KCNN2: variants seen among roughly 807,000 people sequenced by gnomAD.
The protein encoded by KCNN2 is small conductance calcium-activated potassium channel protein 2.
Under a neutral mutation model 55.5 loss-of-function variants are expected in KCNN2, and 24 were observed. That is an observed-to-expected ratio of 0.43 (90% CI 0.31 to 0.61). The LOEUF (loss-of-function observed/expected upper bound fraction) is 0.61. KCNN2 is among the 20% of genes least tolerant of loss of function. The pLI, the probability that KCNN2 is intolerant of heterozygous loss-of-function variation, is 0.08. For synonymous variants in KCNN2, 431 were observed against 336.1 expected (o/e 1.28, Z -3.09); for missense variants, 754 against 853.6 (o/e 0.88, Z 1.45).
At chr5:114,095,360 G>T (rs1452061495) in intron 1 of KCNN2, among the ~76,000 whole-genome samples, 2 of 152,122 alleles carry the variant, frequency 1.3e-5, no homozygotes, top group Non-Finnish European at 2.9e-5. Flanking sequence ...AGGAAGATTT[G>T]CCAGGCATTG....
At chr5:114,135,164 T>G (rs1157188574) in intron 1 of KCNN2, among the ~76,000 whole-genome samples, 1 of 151,942 alleles carries the variant, frequency 6.6e-6, no homozygotes, top group African/African-American at 2.4e-5. Flanking sequence ...CACCCTAATT[T>G]GCACAGAAGG....
At chr5:114,116,252 T>A (rs551405054) in intron 1 of KCNN2, among the ~76,000 whole-genome samples, 1 of 152,012 alleles carries the variant, frequency 6.6e-6, no homozygotes, top group South Asian at 2.1e-4. Context: ...GATGGGAGAA[T>A]GAATGTCAGG....
chr5:114,259,723 C>A (rs191816048), intron 2 of KCNN2, among the ~76,000 whole-genome samples: 4 of 152,248 alleles, frequency 2.6e-5, no homozygotes, highest in Admixed American at 6.5e-5. Context: ...AGCCGAAACA[C>A]TCCCACTCAC....
intron 1 of KCNN2, among the ~76,000 whole-genome samples, chr5:114,185,828 T>C (rs1489518233): frequency 2.6e-5 from 4 of 151,612 alleles, no homozygotes; most frequent in Non-Finnish European, 5.9e-5. Context: ...GACAATCTTA[T>C]GAAATGCTCA....
In KCNN2 at chr5:114,324,619, A is replaced by G. The variant is rs552948325; in HGVS notation, c.-184-36326A>G. 2.7e-4 allele frequency among the ~76,000 whole-genome samples: 41 copies of G among 152,312 alleles called. No individual in the cohort carries two copies. In the South Asian group the frequency reaches 8.5e-3, roughly 32 times the overall value. On this transcript the variant is annotated intron_variant, in intron 2 of 10. Coordinates refer to the KCNN2 transcript ENST00000512097. Reference sequence around the variant, plus strand: ...CCCATTTTGGACTTCTAATCTACAGACTTTTACTATAAGAAAGTAACGTTG... The same window carrying G: ...CCCATTTTGGACTTCTAATCTACAGGCTTTTACTATAAGAAAGTAACGTTG...
intron 1 of KCNN2, among the ~76,000 whole-genome samples, chr5:114,210,279 G>T (rs1402539253): frequency 6.6e-6 from 1 of 152,092 alleles, no homozygotes; most frequent in Non-Finnish European, 1.5e-5. Context: ...TAATGTTAAT[G>T]AATCAATAAT....
intron 3 of KCNN2, among the ~76,000 whole-genome samples, chr5:114,440,762 T>C (rs1472389330): frequency 6.6e-6 from 1 of 151,862 alleles, no homozygotes; most frequent in African/African-American, 2.4e-5. Flanking sequence ...TGTAAAGTAA[T>C]AAAAATAGAA....
intron 3 of KCNN2, among the ~76,000 whole-genome samples, chr5:114,443,486 T>C (rs1760293069): frequency 6.6e-6 from 1 of 152,210 alleles, no homozygotes; most frequent in African/African-American, 2.4e-5. Flanking sequence ...AAATGCTTCG[T>C]TGGGATTATG....
At chr5:114,331,515 T>C (rs1756821235) in intron 2 of KCNN2, among the ~76,000 whole-genome samples, 1 of 151,012 alleles carries the variant, frequency 6.6e-6, no homozygotes, top group South Asian at 2.1e-4. Context: ...ATAGAATTTG[T>C]AGTGTTAAGG....
intron 4 of KCNN2, 134 bp from the exon 5 acceptor site, chr5:114,472,920 T>A: frequency 2.0e-6 from 1 of 504,854 alleles, no homozygotes; most frequent in South Asian, 4.2e-5. Flanking sequence ...ATCACACATT[T>A]TCTGTAATAC....
At chr5:114,221,159 T>A (rs1754130164) in intron 1 of KCNN2, among the ~76,000 whole-genome samples, 1 of 152,232 alleles carries the variant, frequency 6.6e-6, no homozygotes, top group Non-Finnish European at 1.5e-5. Flanking sequence ...GAGTGTCCCA[T>A]GGCCTGGTTT....
intron 1 of KCNN2, among the ~76,000 whole-genome samples, chr5:114,060,847 A>G (rs1750311843): frequency 6.6e-6 from 1 of 152,228 alleles, no homozygotes; most frequent in African/African-American, 2.4e-5. Context: ...CAAGCCATTT[A>G]ATTGTCAATG....
intron 1 of KCNN2, among the ~76,000 whole-genome samples, chr5:114,184,993 A>G (rs907199054): frequency 3.9e-5 from 6 of 152,248 alleles, no homozygotes; most frequent in Admixed American, 2.6e-4. Context: ...ACACAATTCT[A>G]GCAAGGCTGT....
intron 6 of KCNN2, among the ~76,000 whole-genome samples, chr5:114,491,793 T>C (rs758770378): frequency 6.6e-6 from 1 of 152,128 alleles, no homozygotes; most frequent in Non-Finnish European, 1.5e-5. Context: ...TCCACTGTTG[T>C]ACACTGCTCT....
chr5:114,275,523 G>T lies in KCNN2; in HGVS notation c.-185+53958G>T, dbSNP rs1198821501. Among the ~76,000 whole-genome samples the T allele has an allele frequency of 2.6e-5, 4 of 152,024 alleles. No homozygotes were observed. The South Asian group carries it at 8.3e-4, about 32-fold the overall frequency. ...GCCTCAATTTCAGAACCTGTTATTT[G>T]TCTATTCAGAGATTCAACTTCTTCC... On this transcript the variant is annotated intron_variant, in intron 2 of 10. Coordinates refer to the KCNN2 transcript ENST00000512097.
intron 1 of KCNN2, among the ~76,000 whole-genome samples, chr5:114,193,476 A>T (rs78711204): frequency 0.014 from 2,197 of 152,222 alleles, 48 homozygotes; most frequent in African/African-American, 0.049. Context: ...CAGACAGATA[A>T]TAGTGTTCCA....
At chr5:114,144,692 G>A (rs2954355) in intron 1 of KCNN2, among the ~76,000 whole-genome samples, 24,697 of 151,750 alleles carry the variant, frequency 0.16, 2,611 homozygotes, top group African/African-American at 0.3. Context: ...TTTTGAACTA[G>A]TATGCATCTT....
At chr5:114,079,344 G>A (rs1446755042) in intron 1 of KCNN2, among the ~76,000 whole-genome samples, 1 of 151,894 alleles carries the variant, frequency 6.6e-6, no homozygotes, top group Non-Finnish European at 1.5e-5. Flanking sequence ...AGCATTATAC[G>A]TCATGAAAAA....
chr5:114,164,695 G>A (rs1489918428), intron 1 of KCNN2, among the ~76,000 whole-genome samples: 3 of 152,110 alleles, frequency 2.0e-5, no homozygotes, highest in African/African-American at 4.8e-5. Context: ...GATTGCAAAT[G>A]CGCATTTTGG....
Sources: allele counts gnomAD v4.1 joint callset (sites outside exome capture counted in the v4.1 genomes callset), GRCh38; gene constraint gnomAD v4.1.1; transcripts MANE v1.5; gene names NCBI Gene and HGNC (gene_info 2026-07-23, HGNC 2026-07-21).